The following ABCA3 variants were observed in gnomAD, a reference collection of about 807,000 sequenced individuals.
ABCA3 encodes the protein phospholipid-transporting ATPase ABCA3.
In ABCA3, 88 loss-of-function variants were observed where a neutral mutation model predicts 172.8. The observed-to-expected ratio is 0.51, with a 90% CI of 0.43 to 0.61. ABCA3 has a LOEUF of 0.61. Ranked by LOEUF, ABCA3 falls within the 20% of genes least tolerant of loss-of-function variation. ABCA3 has a pLI of 0.00. For missense variants in ABCA3, 2,164 were observed against 2,301.0 expected, an observed-to-expected ratio of 0.94 and a Z score of 1.22; for synonymous variants, 1,066 against 983.8, an observed-to-expected ratio of 1.08 and a Z score of -1.56.
chr16:2,301,725 A>G (rs2093689791), intron 12 of ABCA3, among the ~76,000 whole-genome samples: 2 of 152,060 alleles, frequency 1.3e-5, no homozygotes, highest in Admixed American at 1.3e-4. Flanking sequence ...AAAAAAAAAA[A>G]AAAGAAATGA....
At position 2,297,671 on chromosome 16, in the gene ABCA3, G is replaced by T. The variant is rs1412750454; in HGVS notation, c.2052+95C>A. On this transcript the variant is annotated intron_variant, in intron 16 of 32. Coordinates refer to ENST00000301732, the MANE Select transcript of ABCA3 (RefSeq NM_001089.3). This position sits in a 1 kb window ranked among gnomAD's most constrained non-coding sequence, Gnocchi z 5.6. The stretch of plus-strand genomic sequence containing the variant: ...TCCAAGGATGGTGATGGCCTTGTCT[G>T]GGGTGTCAAGGGCCAAGGTGCCCGG... 6.3e-7 allele frequency: 1 copy of T among 1,589,198 alleles called. No homozygotes were observed. The highest frequency in any genetic ancestry group is 8.5e-7 in the Non-Finnish European group (1 of 1,171,094).
At chr16:2,337,204 C>A (rs992359308) in intron 1 of ABCA3, among the ~76,000 whole-genome samples, 1 of 151,656 alleles carries the variant, frequency 6.6e-6, no homozygotes, top group Admixed American at 6.6e-5. Context: ...TGTGAGCCAC[C>A]ATGTCTGTCT....
rs144354522 is a variant in ABCA3 at position 2,285,569 on chromosome 16, G to A, written c.3356C>T (p.Ala1119Val). 5.3e-5 allele frequency: 84 copies of A among 1,576,698 alleles called. No individual in the cohort carries two copies. Among genetic ancestry groups the A allele is most frequent in the Non-Finnish European group, 6.5e-5 (76 of 1,160,762 alleles). The change falls in exon 23 of 33, where the codon GCG (alanine) becomes GTG (valine). Residue 1119 changes from alanine to valine, a missense_variant. This residue lies in a region of ABCA3 where 795 missense variants were observed against 881.9 expected (regional missense o/e 0.90). Coordinates refer to ENST00000301732, the MANE Select transcript of ABCA3 (RefSeq NM_001089.3). This position sits in a 1 kb window ranked among gnomAD's most constrained non-coding sequence, Gnocchi z 4.7. The stretch of plus-strand genomic sequence containing the variant: ...GGCCTGCACGGCCCTCTCGCTGACC[G>A]CCAGGATGGAGAACGTGCTGGCCAA... ...AFLASTFSIL[A>V]VSERAVQAKH... is the part of the protein sequence containing the mutation.
At chr16:2,333,467 A>C (rs2093746610) in intron 1 of ABCA3, among the ~76,000 whole-genome samples, 2 of 152,170 alleles carry the variant, frequency 1.3e-5, no homozygotes, top group African/African-American at 2.4e-5. Flanking sequence ...CCAACATCCC[A>C]ATATTGACAC....
Position 2,304,068 on chromosome 16 carries a change from C to G in ABCA3, c.1368G>C (p.Leu456=). The change falls in exon 12 of 33, where the codon CTG becomes CTC. Residue 456 remains leucine, a synonymous_variant. Coordinates refer to ENST00000301732, the MANE Select transcript of ABCA3 (RefSeq NM_001089.3). ...GGCCATAGAGCACAGAGTCCAGCAG[C>G]AGCATCCCCAGCACCTGCCCGAAGC... ...DFCFGQVLGM[L]LLDSVLYGLV... 6.2e-7 allele frequency: 1 copy of G among 1,614,206 alleles called. No homozygotes were observed. Among genetic ancestry groups the G allele is most frequent in the Non-Finnish European group, 8.5e-7 (1 of 1,180,040 alleles).
chr16:2,324,606 A>G (rs941368377), intron 5 of ABCA3, 75 bp from the exon 6 acceptor site: 2 of 1,592,920 alleles, frequency 1.3e-6, no homozygotes, highest in Non-Finnish European at 1.7e-6. Context: ...GGTTCAGGTC[A>G]CTGGCAGATG....
chr16:2,304,205 G>T, intron 11 of ABCA3, 55 bp from the exon 12 acceptor site: 1 of 1,604,520 alleles, frequency 6.2e-7, no homozygotes, highest in Non-Finnish European at 8.5e-7. Flanking sequence ...GGGGCCCAGG[G>T]ACCCGAAGCC....
chr16:2,327,677 G>A (rs1459057479), intron 3 of ABCA3, among the ~76,000 whole-genome samples: 3 of 152,102 alleles, frequency 2.0e-5, no homozygotes, highest in Admixed American at 1.3e-4. Flanking sequence ...TACAGGTACT[G>A]GCATCAGAGC....
rs1596832418 is a variant in ABCA3, at chr16:2,284,567, C to T, written c.3704-130G>A. ...AGTGAGGGGGCACCTCCCAGGGACG[C>T]CCCTGCCGGCTCTGCACAGGGCAAG... On this transcript the variant is annotated intron_variant, in intron 24 of 32. Coordinates refer to ENST00000301732, the MANE Select transcript of ABCA3 (RefSeq NM_001089.3). This position sits in a 1 kb window ranked among gnomAD's most constrained non-coding sequence, Gnocchi z 5.9. 1.4e-6 allele frequency: 2 copies of T among 1,405,890 alleles called. No individual in the cohort carries two copies. Among genetic ancestry groups the T allele is most frequent in the Admixed American group, 1.8e-5 (1 of 55,596 alleles). The allele number at this position is 1,405,890 out of a possible 1,614,324, so 87.1% of individuals were successfully genotyped here. A position where few individuals can be genotyped will look rare whatever the true frequency, so the allele number is the denominator to read the frequency against.
rs148535912 is a variant in ABCA3, at chr16:2,285,646, C to T, written c.3279G>A (p.Glu1093=). ...ALQAAKDQFN[E]GRKGFDIALN... ...GGGCAATGTCGAATCCCTTCCGGCC[C>T]CTGCGGGGGACAGAGAAGGTCAGGG... The change falls in exon 23 of 33, where the codon GAG becomes GAA. Residue 1093 remains glutamate (E), a splice_region_variant and synonymous_variant. Transcript: ENST00000301732. The surrounding 1 kb of genome is among the most constrained non-coding windows in gnomAD (Gnocchi z 4.7). 1.2e-3 allele frequency: 1,802 copies of T among 1,551,936 alleles called. 2 individuals are homozygous for T. Among genetic ancestry groups the T allele is most frequent in the Non-Finnish European group, 1.5e-3 (1,687 of 1,147,222 alleles).
rs34507274 is a variant in ABCA3, at chr16:2,285,321, C to T, written c.3483+121G>A. The T allele has an allele frequency of 8.1e-7, 1 of 1,241,706 alleles. No individual in the cohort carries two copies. Among genetic ancestry groups the T allele is most frequent in the Non-Finnish European group, 1.1e-6 (1 of 878,004 alleles). 76.9% of individuals were successfully genotyped at this position (1,241,706 alleles called of 1,614,324 possible). On this transcript the variant is annotated intron_variant, in intron 23 of 32. Coordinates refer to ENST00000301732, the MANE Select transcript of ABCA3 (RefSeq NM_001089.3). This position sits in a 1 kb window ranked among gnomAD's most constrained non-coding sequence, Gnocchi z 4.7. The stretch of plus-strand genomic sequence containing the variant: ...CGCCAGGGGATTCCAGCTGTCCTCC[C>T]TGAGTCGGGCCGAGCTGCCGGCCTA...
Position 2,279,927 on chromosome 16 carries a change from C to T in ABCA3, c.4360-797G>A, listed in dbSNP as rs2093652519. On this transcript the variant is annotated intron_variant, in intron 28 of 32. Coordinates refer to ENST00000301732, the MANE Select transcript of ABCA3 (RefSeq NM_001089.3). The surrounding 1 kb of genome is among the most constrained non-coding windows in gnomAD (Gnocchi z 4.4). The stretch of plus-strand genomic sequence containing the variant: ...ATGCCCTGCTAATTTTTGTATTTTT[C>T]TTTGGTAGAGACAGCATTTTGCCAT... 6.6e-6 allele frequency among the ~76,000 whole-genome samples: 1 copy of T among 152,066 alleles called. No homozygotes were observed. The highest frequency in any genetic ancestry group is 1.5e-5 in the Non-Finnish European group (1 of 68,004).
chr16:2,314,069 A>T (rs893689684), intron 10 of ABCA3, among the ~76,000 whole-genome samples: 1 of 152,058 alleles, frequency 6.6e-6, no homozygotes, highest in Non-Finnish European at 1.5e-5. Flanking sequence ...ACACTGCGGG[A>T]AAGACAGTCT....
At chr16:2,305,730 T>C (rs1221640705) in intron 11 of ABCA3, among the ~76,000 whole-genome samples, 2 of 152,192 alleles carry the variant, frequency 1.3e-5, no homozygotes, top group Non-Finnish European at 2.9e-5. Flanking sequence ...CAGCCTAGTA[T>C]AACTATTTTT....
chr16:2,324,729 G>C (rs1263484415), intron 5 of ABCA3, among the ~76,000 whole-genome samples, 198 bp from the exon 6 acceptor site: 2 of 152,170 alleles, frequency 1.3e-5, no homozygotes, highest in Admixed American at 1.3e-4. Flanking sequence ...CAGGGTCAGA[G>C]CCCCAGGCAG....
chr16:2,316,646 C>T (rs554090656), intron 10 of ABCA3, among the ~76,000 whole-genome samples: 1 of 151,546 alleles, frequency 6.6e-6, no homozygotes, highest in Admixed American at 6.6e-5. Flanking sequence ...CTAATGCACT[C>T]CAGACTGAGC....
intron 3 of ABCA3, 140 bp from the exon 4 acceptor site, chr16:2,326,632 G>T: frequency 1.1e-6 from 1 of 925,608 alleles, no homozygotes; most frequent in Non-Finnish European, 1.7e-6. Flanking sequence ...CACCCCTGGA[G>T]GGAAGGGTAC....
chr16:2,318,088 C>A (rs566081835), intron 8 of ABCA3, among the ~76,000 whole-genome samples: 3 of 152,224 alleles, frequency 2.0e-5, no homozygotes, highest in Non-Finnish European at 4.4e-5. Context: ...CTACGTCAGG[C>A]GGCAGGAGCC....
intron 3 of ABCA3, among the ~76,000 whole-genome samples, 196 bp from the exon 4 acceptor site, chr16:2,326,688 A>G (rs755007717): frequency 7.2e-5 from 11 of 152,224 alleles, no homozygotes; most frequent in Non-Finnish European, 1.3e-4. Context: ...CTGCACATCC[A>G]AAGAGCATAG....
Sources: allele counts gnomAD v4.1 joint callset (sites outside exome capture counted in the v4.1 genomes callset), GRCh38; gene constraint gnomAD v4.1.1; regional missense constraint gnomAD v4.1.1; non-coding constraint Gnocchi (gnomAD v3.1); transcripts MANE v1.5; gene names NCBI Gene and HGNC (gene_info 2026-07-23, HGNC 2026-07-21).